The following MMP26 variants were observed in gnomAD, a reference collection of about 807,000 sequenced individuals.
MMP26 encodes matrix metalloproteinase-26.
MMP26 carries 33 observed loss-of-function variants against 31.0 expected under a neutral mutation model. The ratio of observed to expected loss-of-function variants is 1.06; its 90% CI spans 0.81 to 1.42. The LOEUF (loss-of-function observed/expected upper bound fraction) is 1.42, where lower values mean the gene tolerates loss of function less well. Ranked by LOEUF, MMP26 falls within the 40% of genes most tolerant of loss-of-function variation. The probability of loss-of-function intolerance (pLI) is 0.00; values close to 1 mark genes in which losing one functional copy is unlikely to be tolerated. For missense variants in MMP26, 347 were observed against 316.1 expected (o/e 1.10, Z -0.74); for synonymous variants, 122 against 114.9 (o/e 1.06, Z -0.40).
At chr11:4,907,867 A>C (rs1354389673) in intron 2 of MMP26, 6 of 1,613,860 alleles carry the variant, frequency 3.7e-6, no homozygotes, top group Non-Finnish European at 5.1e-6. Flanking sequence ...TAAGGAGATT[A>C]AAATATTGTC....
chr11:4,721,109 T>C (rs1370539822), intron 1 of MMP26, among the ~76,000 whole-genome samples: 6 of 152,254 alleles, frequency 3.9e-5, no homozygotes, highest in African/African-American at 9.6e-5. Context: ...AAACAATTAT[T>C]CTGATTCATG....
intron 2 of MMP26, among the ~76,000 whole-genome samples, chr11:4,980,724 T>C (rs919946142): frequency 1.3e-5 from 2 of 152,026 alleles, no homozygotes; most frequent in African/African-American, 4.8e-5. Flanking sequence ...AAAGATTACT[T>C]TGTGGTGACA....
At chr11:4,775,955 C>T (rs1472865101) in intron 2 of MMP26, among the ~76,000 whole-genome samples, 1 of 152,120 alleles carries the variant, frequency 6.6e-6, no homozygotes, top group Non-Finnish European at 1.5e-5. Context: ...TTTCACTCCC[C>T]TACCCTTCCA....
At chr11:4,961,037 G>A (rs375862911) in intron 2 of MMP26, among the ~76,000 whole-genome samples, 2 of 152,114 alleles carry the variant, frequency 1.3e-5, no homozygotes, top group South Asian at 4.1e-4. Flanking sequence ...ACTGTTTTGA[G>A]CAACCTAAGC....
intron 2 of MMP26, among the ~76,000 whole-genome samples, chr11:4,977,216 T>A (rs952473577): frequency 6.6e-6 from 1 of 152,148 alleles, no homozygotes; most frequent in Non-Finnish European, 1.5e-5. Flanking sequence ...TAAACATTTG[T>A]GTGCAGAAGT....
rs147925897 is a variant in MMP26 at position 4,946,311 on chromosome 11, G to A, written c.-144-41757G>A. 18 of 1,613,812 alleles carry A rather than the reference G, an allele frequency of 1.1e-5. No homozygotes were observed. The highest frequency in any genetic ancestry group is 1.7e-4 in the Middle Eastern group (1 of 6,054). ...AGGGGAGAGACATGCCGGGCAAAGC[G>A]GTGGACAACGGCCAGGTTGATGATG... On this transcript the variant is annotated intron_variant, in intron 2 of 7. Coordinates refer to ENST00000380390, the MANE Select transcript of MMP26 (RefSeq NM_021801.5).
At chr11:4,718,025 T>A (rs1473408509) in intron 1 of MMP26, among the ~76,000 whole-genome samples, 2 of 152,198 alleles carry the variant, frequency 1.3e-5, no homozygotes, top group Non-Finnish European at 2.9e-5. Context: ...GAAAATTTCT[T>A]AGGGACAGTT....
chr11:4,906,180 C>T (rs1222970637), intron 2 of MMP26, among the ~76,000 whole-genome samples: 6 of 152,080 alleles, frequency 3.9e-5, no homozygotes. Flanking sequence ...TGAATATGTA[C>T]GTGAAGAAAT....
At chr11:4,979,317 G>A (rs1171453823) in intron 2 of MMP26, among the ~76,000 whole-genome samples, 1 of 152,092 alleles carries the variant, frequency 6.6e-6, no homozygotes, top group Non-Finnish European at 1.5e-5. Context: ...AAATCCCCAG[G>A]TTGGTTATTT....
At chr11:4,713,384 T>A (rs569332853) in intron 1 of MMP26, among the ~76,000 whole-genome samples, 80 of 152,300 alleles carry the variant, frequency 5.3e-4, no homozygotes, top group Non-Finnish European at 9.6e-4. Context: ...CCAAGTGAGC[T>A]GAGTCTGTTA....
chr11:4,883,312 T>A (rs934000629), intron 2 of MMP26, among the ~76,000 whole-genome samples: 1 of 152,120 alleles, frequency 6.6e-6, no homozygotes, highest in Non-Finnish European at 1.5e-5. Context: ...AAGGAAAAGT[T>A]ACATATGTGC....
intron 1 of MMP26, among the ~76,000 whole-genome samples, chr11:4,758,281 C>T (rs892425335): frequency 6.6e-6 from 1 of 151,502 alleles, no homozygotes; most frequent in Non-Finnish European, 1.5e-5. Flanking sequence ...TTTAATGAAA[C>T]GACTGGAAAA....
intron 1 of MMP26, among the ~76,000 whole-genome samples, chr11:4,725,507 G>A (rs1848087513): frequency 6.6e-6 from 1 of 152,190 alleles, no homozygotes; most frequent in African/African-American, 2.4e-5. Context: ...CTTGTTTGTT[G>A]AGAATTTCTT....
chr11:4,723,793 TGCAGGAGGCTCCACTTGGTCTCCA>T (rs1848055260), intron 1 of MMP26: 1 of 1,570,034 alleles, frequency 6.4e-7, no homozygotes, highest in African/African-American at 1.3e-5. Context: ...CTTCTGCTGC[TGCAGGAGGCTCCACTTGGTCTCCA>T]GCATCTTGTT....
intron 2 of MMP26, among the ~76,000 whole-genome samples, chr11:4,956,332 A>T (rs1385744426): frequency 5.3e-5 from 8 of 152,190 alleles, no homozygotes; most frequent in Non-Finnish European, 8.8e-5. Flanking sequence ...TTCTCTGGGG[A>T]TTGCAGCCAG....
intron 2 of MMP26, among the ~76,000 whole-genome samples, chr11:4,874,322 G>A (rs187210118): frequency 7.2e-5 from 11 of 152,164 alleles, no homozygotes; most frequent in Admixed American, 3.3e-4. Context: ...TGACAAATTT[G>A]GAGTGACTTT....
chr11:4,946,752 G>A, intron 2 of MMP26: 1 of 1,588,622 alleles, frequency 6.3e-7, no homozygotes, highest in South Asian at 1.1e-5. Context: ...ATGATCAGGA[G>A]GACTGAGGAC....
intron 2 of MMP26, among the ~76,000 whole-genome samples, chr11:4,886,306 G>A (rs1850544830): frequency 6.6e-6 from 1 of 152,048 alleles, no homozygotes; most frequent in Admixed American, 6.6e-5. Context: ...TGAGATTTAA[G>A]CTCCTAACAC....
At chr11:4,786,638 A>G (rs1848950642) in intron 2 of MMP26, 1 of 151,796 alleles carries the variant, frequency 6.6e-6, no homozygotes, top group African/African-American at 2.4e-5. Context: ...GGCTGGCTCC[A>G]CAGATTTGGG....
Sources: gnomAD v4.1 joint callset for allele counts (sites outside exome capture counted in the v4.1 genomes callset) on GRCh38, gnomAD v4.1.1 for gene constraint, MANE v1.5 for transcripts, NCBI Gene and HGNC (gene_info 2026-07-23, HGNC 2026-07-21) for gene names.